NAV3: variants seen among roughly 807,000 people sequenced by gnomAD.
NAV3 encodes the protein neuron navigator 3, also known as pore membrane and/or filament interacting like protein 1.
NAV3 carries 87 observed loss-of-function variants against 244.7 expected under a neutral mutation model. The observed-to-expected ratio is 0.36, with a 90% CI of 0.30 to 0.42. The LOEUF is 0.42. Among genes scored for constraint, NAV3 ranks in the 20% least tolerant of loss-of-function variants. The pLI, the probability that NAV3 is intolerant of heterozygous loss-of-function variation, is 1.00. For synonymous variants in NAV3, 1,126 were observed against 1,042.2 expected (o/e 1.08, Z -1.55); for missense variants, 2,663 against 2,893.3 (o/e 0.92, Z 1.83).
intron 1 of NAV3, among the ~76,000 whole-genome samples, chr12:77,881,494 A>G (rs1328793223): frequency 6.6e-6 from 1 of 152,096 alleles, no homozygotes; most frequent in Non-Finnish European, 1.5e-5. Flanking sequence ...CTTGGTTAAA[A>G]AGCTATTCTT....
rs1004075000 is a variant in NAV3, at chr12:77,593,862, G to T, written c.72+21596G>T. ...TGTAGAGCTTATTAGTTTGTCAAAC[G>T]TCTTAATGTTCATTTCTCAATATTT... On this transcript the variant is annotated intron_variant, in intron 2 of 8. Transcript: ENST00000550042. Among the ~76,000 whole-genome samples, 3 of 150,612 alleles carry T rather than the reference G, an allele frequency of 2.0e-5. No homozygotes were observed. The East Asian group carries it at 5.9e-4, about 30-fold the overall frequency.
At chr12:77,651,291 A>G (rs1312977238) in intron 2 of NAV3, among the ~76,000 whole-genome samples, 2 of 152,200 alleles carry the variant, frequency 1.3e-5, no homozygotes, top group Non-Finnish European at 2.9e-5. Context: ...AAAAGATTGA[A>G]GTAACATTTC....
intron 9 of NAV3, among the ~76,000 whole-genome samples, chr12:78,025,822 C>A (rs1245805753): frequency 6.6e-6 from 1 of 152,092 alleles, no homozygotes; most frequent in Admixed American, 6.6e-5. Context: ...ATGATCTCTG[C>A]ACAACAGCTC....
chr12:77,720,614 C>T (rs967458121), intron 2 of NAV3, among the ~76,000 whole-genome samples: 1 of 152,120 alleles, frequency 6.6e-6, no homozygotes, highest in African/African-American at 2.4e-5. Context: ...GCAGCATCCT[C>T]AAAAACCAGA....
chr12:77,866,984 C>T (rs1880141656), intron 1 of NAV3, among the ~76,000 whole-genome samples: 2 of 152,114 alleles, frequency 1.3e-5, no homozygotes, highest in African/African-American at 2.4e-5. Context: ...ACAAGGAGGC[C>T]ATCTCTAGAG....
intron 1 of NAV3, among the ~76,000 whole-genome samples, chr12:77,904,269 A>T (rs1885684469): frequency 6.6e-6 from 1 of 152,214 alleles, no homozygotes; most frequent in Admixed American, 6.5e-5. Flanking sequence ...GATAGACTGG[A>T]TTAAGAAAAT....
chr12:77,909,439 C>CA (rs35769757), intron 1 of NAV3, among the ~76,000 whole-genome samples: 13,559 of 147,800 alleles, frequency 0.092, 802 homozygotes, highest in East Asian at 0.2. Context: ...TCTTTAATTC[C>CA]AAAAAAAAAG....
intron 1 of NAV3, among the ~76,000 whole-genome samples, chr12:77,873,922 T>A (rs1374831919): frequency 6.6e-6 from 1 of 151,162 alleles, no homozygotes; most frequent in East Asian, 2.0e-4. Flanking sequence ...GTGGCCTGTT[T>A]AGGAACCAGA....
intron 2 of NAV3, among the ~76,000 whole-genome samples, chr12:77,635,858 A>T (rs1190852403): frequency 6.6e-6 from 1 of 152,164 alleles, no homozygotes; most frequent in Non-Finnish European, 1.5e-5. Flanking sequence ...AACAAAATAA[A>T]CTTCCCAAAG....
chr12:77,625,120 G>A (rs904886476), intron 2 of NAV3, among the ~76,000 whole-genome samples: 2 of 152,012 alleles, frequency 1.3e-5, no homozygotes, highest in Non-Finnish European at 2.9e-5. Context: ...AAAAATATTT[G>A]CATTAATATC....
chr12:77,756,326 A>G lies in NAV3; in HGVS notation c.73-183993A>G, dbSNP rs116358163. Among the ~76,000 whole-genome samples, 435 of 152,326 alleles carry G rather than the reference A, an allele frequency of 2.9e-3. 4 individuals are homozygous for G. Among genetic ancestry groups the G allele is most frequent in the African/African-American group, 1.0e-2 (414 of 41,564 alleles). ...ATGGCTCAGATGGCATTTGCAGTTT[A>G]TGCATATCATGCTGATTTAACTGAC... is the stretch of plus-strand genomic sequence containing the variant. On this transcript the variant is annotated intron_variant, in intron 2 of 8. Coordinates refer to the NAV3 transcript ENST00000550042.
chr12:77,829,310 C>T (rs992129120), upstream of NAV3, among the ~76,000 whole-genome samples: 1 of 152,148 alleles, frequency 6.6e-6, no homozygotes, highest in African/African-American at 2.4e-5. Flanking sequence ...TTATGTAATT[C>T]TGAGTCACTT....
chr12:78,201,963 A>G (rs1227669205), intron 38 of NAV3, among the ~76,000 whole-genome samples: 1 of 151,976 alleles, frequency 6.6e-6, no homozygotes, highest in Non-Finnish European at 1.5e-5. Flanking sequence ...TCTGGTGAAC[A>G]TGATGAATTT....
At chr12:77,736,692 G>T (rs1877348960) in intron 2 of NAV3, among the ~76,000 whole-genome samples, 1 of 152,200 alleles carries the variant, frequency 6.6e-6, no homozygotes, top group Non-Finnish European at 1.5e-5. Flanking sequence ...ACAAGGCCAT[G>T]AATACTGGAA....
At chr12:78,154,639 T>G (rs1957228532) in intron 22 of NAV3, among the ~76,000 whole-genome samples, 1 of 151,754 alleles carries the variant, frequency 6.6e-6, no homozygotes, top group South Asian at 2.1e-4. Flanking sequence ...TTTATAGACT[T>G]CACCTAACAC....
intron 1 of NAV3, among the ~76,000 whole-genome samples, chr12:77,867,569 G>T (rs34641987): frequency 0.14 from 21,011 of 151,824 alleles, 1,694 homozygotes; most frequent in Middle Eastern, 0.24. Flanking sequence ...ACAAGCGCCC[G>T]CCACCACGCC....
intron 2 of NAV3, among the ~76,000 whole-genome samples, chr12:77,658,968 T>C (rs568466249): frequency 2.6e-5 from 4 of 152,204 alleles, no homozygotes; most frequent in African/African-American, 7.2e-5. Flanking sequence ...TCAAGATGGA[T>C]TAAAGACTTA....
chr12:77,582,048 G>C (rs1397228011), intron 2 of NAV3, among the ~76,000 whole-genome samples: 1 of 152,124 alleles, frequency 6.6e-6, no homozygotes, highest in Non-Finnish European at 1.5e-5. Context: ...TATAGATCAG[G>C]TAATCTTTAC....
rs11269547 is a variant in NAV3, at chr12:78,060,448, T to TGTGTGGGTGTGGGTGTGG, written c.2636+1350_2636+1351insGGTGTGGGTGTGGGTGTG. Reference sequence around the variant, plus strand: ...TACTCTCCTAGCCTATATACTCTTGTGTGTGGGTGTGGGTGTGAAGCATGT... The same window carrying TGTGTGGGTGTGGGTGTGG: ...TACTCTCCTAGCCTATATACTCTTGTGTGTGGGTGTGGGTGTGGGTGTGGGTGTGGGTGTGAAGCATGT... On this transcript the variant is annotated intron_variant, in intron 12 of 39. Coordinates refer to ENST00000397909, the MANE Select transcript of NAV3 (RefSeq NM_001024383.2). Among the ~76,000 whole-genome samples the TGTGTGGGTGTGGGTGTGG allele has an allele frequency of 4.7e-4, 71 of 151,464 alleles. 1 individual carries two copies. The highest frequency in any genetic ancestry group is 1.5e-3 in the African/African-American group (62 of 41,250).
Sources: gnomAD v4.1 joint callset for allele counts (sites outside exome capture counted in the v4.1 genomes callset) on GRCh38, gnomAD v4.1.1 for gene constraint, MANE v1.5 for transcripts, NCBI Gene and HGNC (gene_info 2026-07-23, HGNC 2026-07-21) for gene names.